FGD5: variants seen among roughly 807,000 people sequenced by gnomAD.
The protein encoded by FGD5 is FYVE, RhoGEF and PH domain containing 5, also known as FYVE, RhoGEF and PH domain-containing protein 5.
FGD5 carries 28 observed loss-of-function variants against 133.4 expected under a neutral mutation model. The observed-to-expected ratio is 0.21, with a 90% CI of 0.16 to 0.29. The LOEUF is 0.29. FGD5 is among the 10% of genes least tolerant of loss of function. The pLI, the probability that FGD5 is intolerant of heterozygous loss-of-function variation, is 1.00. For synonymous variants in FGD5, 810 were observed against 776.5 expected, an observed-to-expected ratio of 1.04 and a Z score of -0.72; for missense variants, 1,858 against 1,895.2, an observed-to-expected ratio of 0.98 and a Z score of 0.36.
intron 1 of FGD5, among the ~76,000 whole-genome samples, chr3:14,844,204 TAAAAAAA>T (rs1168327274): frequency 1.2e-4 from 2 of 17,238 alleles, no homozygotes; most frequent in Admixed American, 8.7e-4. Context: ...TAATAGGCAT[TAAAAAAA>T]AAAAAAATAT....
At chr3:14,891,625 CA>C (rs2038029160) in intron 4 of FGD5, among the ~76,000 whole-genome samples, 1 of 152,226 alleles carries the variant, frequency 6.6e-6, no homozygotes, top group Non-Finnish European at 1.5e-5. Flanking sequence ...CTTGGGACTG[CA>C]AGCCAGAGTG....
At position 14,820,424 on chromosome 3, in the gene FGD5, C is replaced by T. The variant is rs374381042; in HGVS notation, c.1353C>T (p.Asp451=). The change falls in exon 1 of 20, where the codon GAC becomes GAT. Residue 451 remains aspartate (D), a synonymous_variant. Transcript: ENST00000285046. The part of the protein sequence containing the change: ...APGEGGQAAS[D]ALGGYGSKEE... ...GAGAAGGAGGGCAGGCTGCATCGGA[C>T]GCCCTGGGTGGTTATGGCTCGAAAG... 6.6e-5 allele frequency: 107 copies of T among 1,613,950 alleles called. No homozygotes were observed. The highest frequency in any genetic ancestry group is 5.9e-4 in the South Asian group (54 of 91,080).
chr3:14,882,307 C>T, intron 4 of FGD5: 1 of 985,274 alleles, frequency 1.0e-6, no homozygotes. Context: ...AAACTTGCAT[C>T]TATGTTTGCC....
At chr3:14,835,611 G>A (rs1454666580) in intron 1 of FGD5, among the ~76,000 whole-genome samples, 1 of 152,206 alleles carries the variant, frequency 6.6e-6, no homozygotes, top group Non-Finnish European at 1.5e-5. Context: ...GCACTTTACA[G>A]CTTACAAAGC....
At chr3:14,921,794 G>A (rs890530362) in intron 13 of FGD5, 124 bp from the exon 14 acceptor site, 189 of 818,182 alleles carry the variant, frequency 2.3e-4, no homozygotes, top group Non-Finnish European at 3.3e-4. Context: ...CTTTGCTGGT[G>A]GTTCTGGGCA....
intron 11 of FGD5, among the ~76,000 whole-genome samples, chr3:14,914,605 G>C (rs560729375): frequency 6.6e-6 from 1 of 152,166 alleles, no homozygotes. Flanking sequence ...TCAGTTCCCT[G>C]GGTCTGGGAG....
chr3:14,849,539 A>C (rs2037119144), intron 1 of FGD5, among the ~76,000 whole-genome samples: 1 of 152,212 alleles, frequency 6.6e-6, no homozygotes, highest in Non-Finnish European at 1.5e-5. Context: ...CTGAAAGATG[A>C]GTATAATAAT....
chr3:14,919,337 G>A (rs777005588), intron 13 of FGD5, among the ~76,000 whole-genome samples: 1 of 152,236 alleles, frequency 6.6e-6, no homozygotes, highest in Non-Finnish European at 1.5e-5. Flanking sequence ...AAAAATACCA[G>A]GCCGGGCGCG....
intron 18 of FGD5, among the ~76,000 whole-genome samples, chr3:14,927,877 A>G (rs2038836053): frequency 6.6e-6 from 1 of 151,008 alleles, no homozygotes; most frequent in Non-Finnish European, 1.5e-5. Context: ...CATCCCCCCC[A>G]GCTCAGCCTC....
chr3:14,901,247 C>G (rs1228428616), intron 9 of FGD5, among the ~76,000 whole-genome samples, 186 bp downstream of exon 9: 2 of 152,228 alleles, frequency 1.3e-5, no homozygotes, highest in African/African-American at 4.8e-5. Flanking sequence ...CTGTGTGCCC[C>G]TCTCTGCGCC....
At chr3:14,891,669 T>C (rs901470641) in intron 4 of FGD5, among the ~76,000 whole-genome samples, 24 of 152,216 alleles carry the variant, frequency 1.6e-4, no homozygotes, top group African/African-American at 5.5e-4. Context: ...CCGTAGTTCC[T>C]GGCAGAGCAG....
At chr3:14,906,832 C>T (rs1205392308) in intron 9 of FGD5, among the ~76,000 whole-genome samples, 1 of 152,212 alleles carries the variant, frequency 6.6e-6, no homozygotes, top group East Asian at 1.9e-4. Context: ...CACTCGGTTG[C>T]CTTGTGACCC....
At chr3:14,831,277 A>G (rs1382805948) in intron 1 of FGD5, among the ~76,000 whole-genome samples, 1 of 152,164 alleles carries the variant, frequency 6.6e-6, no homozygotes, top group Non-Finnish European at 1.5e-5. Flanking sequence ...CATTGGAGAG[A>G]AGTGTTACGA....
At chr3:14,913,082 G>A (rs1457703816) in intron 11 of FGD5, among the ~76,000 whole-genome samples, 1 of 152,000 alleles carries the variant, frequency 6.6e-6, no homozygotes, top group Non-Finnish European at 1.5e-5. Flanking sequence ...CCAAATGTAG[G>A]GGCAGGTAAT....
chr3:14,843,230 A>AT (rs749126191), intron 1 of FGD5, among the ~76,000 whole-genome samples: 2 of 152,216 alleles, frequency 1.3e-5, no homozygotes, highest in Non-Finnish European at 2.9e-5. Context: ...TACTTGGCAC[A>AT]TAGCAGGGTC....
chr3:14,883,563 C>T (rs1455652612), intron 4 of FGD5, among the ~76,000 whole-genome samples: 2 of 152,198 alleles, frequency 1.3e-5, no homozygotes, highest in African/African-American at 4.8e-5. Context: ...ATCTACCCAT[C>T]CAAACAGCAA....
At chr3:14,875,154 A>G (rs1033447394) in intron 2 of FGD5, among the ~76,000 whole-genome samples, 4 of 152,064 alleles carry the variant, frequency 2.6e-5, no homozygotes, top group East Asian at 1.9e-4. Flanking sequence ...TGCCCCATGT[A>G]TCTGGGTTTC....
intron 2 of FGD5, among the ~76,000 whole-genome samples, chr3:14,864,489 C>G (rs1319298333): frequency 6.6e-6 from 1 of 152,176 alleles, no homozygotes; most frequent in Non-Finnish European, 1.5e-5. Flanking sequence ...TCTCTGGAGT[C>G]TGATGAAGTT....
rs563580341 is a variant in FGD5 at position 14,875,452 on chromosome 3, A to T, written c.2659-5120A>T. ...GGGCACAGGAAACTGTGTGAACCAA[A>T]CACACCCAGAGGTAGGAAAAAATAG... On this transcript the variant is annotated intron_variant, in intron 2 of 19. Transcript: ENST00000285046. Among the ~76,000 whole-genome samples, 5 of 152,298 alleles carry T rather than the reference A, an allele frequency of 3.3e-5. No individual in the cohort carries two copies. In the East Asian group the frequency reaches 9.7e-4, roughly 29 times the overall value.
Sources: allele counts gnomAD v4.1 joint callset (sites outside exome capture counted in the v4.1 genomes callset), GRCh38; gene constraint gnomAD v4.1.1; transcripts MANE v1.5; gene names NCBI Gene and HGNC (gene_info 2026-07-23, HGNC 2026-07-21).